Variants in ODR4 observed in about 807,000 individuals in gnomAD.
ODR4 encodes the protein protein odr-4 homolog.
Under a neutral mutation model 60.2 loss-of-function variants are expected in ODR4, and 47 were observed. That is an observed-to-expected ratio of 0.78 (90% CI 0.62 to 1.00). ODR4 has a LOEUF of 1.00. ODR4 is among the 50% of genes least tolerant of loss of function. The pLI, the probability that ODR4 is intolerant of heterozygous loss-of-function variation, is 0.00. For missense variants in ODR4, 488 were observed against 530.8 expected (o/e 0.92, Z 0.79); for synonymous variants, 178 against 175.5 (o/e 1.01, Z -0.11).
At position 186,383,186 on chromosome 1, in the gene ODR4, AGTTTTATTTC is replaced by A. The variant is rs1334765145; in HGVS notation, c.234+31_234+40del. 6.5e-6 allele frequency: 10 copies of A among 1,535,376 alleles called. No homozygotes were observed. In the Admixed American group the frequency reaches 1.1e-4, roughly 16 times the overall value. On this transcript the variant is annotated intron_variant, in intron 3 of 13. Coordinates refer to ENST00000287859, the MANE Select transcript of ODR4 (RefSeq NM_017847.6). ...TCTTATTTTTTTGTTTATATGTTTAAGTTTTATTTCAAAAAAGAGCTAGAATCAAGAAGAT... is the reference window on the plus strand; with the variant it reads ...TCTTATTTTTTTGTTTATATGTTTAAAAAAAAGAGCTAGAATCAAGAAGAT...
chr1:186,421,514 T>A (rs1661774923), downstream of ODR4: 1 of 152,114 alleles, frequency 6.6e-6, no homozygotes, highest in Non-Finnish European at 1.5e-5. Context: ...ACCTTAAAAT[T>A]GACTATGTTA....
At chr1:186,405,408 G>A (rs1384215267) in intron 11 of ODR4, among the ~76,000 whole-genome samples, 2 of 152,154 alleles carry the variant, frequency 1.3e-5, no homozygotes, top group African/African-American at 4.8e-5. Context: ...AATGTACAGT[G>A]CCTATGAGGC....
At chr1:186,428,174 T>C in the ODR4 span, among the ~76,000 whole-genome samples, 1 of 152,202 alleles carries the variant, frequency 6.6e-6, no homozygotes, top group Non-Finnish European at 1.5e-5. Context: ...TGAAAGTAGA[T>C]GGGATCTTCT....
At chr1:186,428,096 C>T in the ODR4 span, among the ~76,000 whole-genome samples, 5 of 152,114 alleles carry the variant, frequency 3.3e-5, no homozygotes, top group Non-Finnish European at 5.9e-5. Context: ...GTGCATTGGC[C>T]CCTAAAACAA....
At position 186,379,749 on chromosome 1, in the gene ODR4, TTTC is replaced by T. The variant is rs1040917355; in HGVS notation, c.-19-12_-19-10del. The T allele has an allele frequency of 4.5e-6, 6 of 1,330,852 alleles. No individual in the cohort carries two copies. The Admixed American group carries it at 6.5e-5, about 14-fold the overall frequency. 82.4% of individuals were successfully genotyped at this position (1,330,852 alleles called of 1,614,324 possible). A position where few individuals can be genotyped will look rare whatever the true frequency, so the allele number is the denominator to read the frequency against. On this transcript the variant is annotated splice_polypyrimidine_tract_variant and intron_variant, in intron 1 of 13. Transcript: ENST00000287859. Reference sequence around the variant, plus strand: ...GATATTTTACCTAAATGCTGTATCTTTTCTTCTTGTGATATAGGAGATTTTAGT... The same window carrying T: ...GATATTTTACCTAAATGCTGTATCTTTTCTTGTGATATAGGAGATTTTAGT...
chr1:186,390,806 A>T lies in ODR4; in HGVS notation c.570A>T (p.Pro190=), dbSNP rs1660440679. 2 of 1,613,064 alleles carry T rather than the reference A, an allele frequency of 1.2e-6. No individual in the cohort carries two copies. The highest frequency in any genetic ancestry group is 4.5e-5 in the East Asian group (2 of 44,794). The change falls in exon 7 of 14, where the codon CCA becomes CCT. Residue 190 remains proline (P), a synonymous_variant. Coordinates refer to ENST00000287859, the MANE Select transcript of ODR4 (RefSeq NM_017847.6). ...ECTVHINIHI[P]LSATSVSYTL... is the part of the protein sequence containing the mutation. ...CAGTTCACATTAATATTCACATCCC[A>T]CTTTCTGCTACTTCTGTCAGCTATA... is the stretch of plus-strand genomic sequence containing the variant.
At chr1:186,404,520 T>C (rs917664663) in intron 11 of ODR4, among the ~76,000 whole-genome samples, 5 of 152,216 alleles carry the variant, frequency 3.3e-5, no homozygotes, top group Non-Finnish European at 7.3e-5. Flanking sequence ...GAGTTTTTAC[T>C]TAATCTGTTT....
intron 5 of ODR4, among the ~76,000 whole-genome samples, chr1:186,389,370 C>T (rs1052150444): frequency 5.3e-5 from 8 of 151,844 alleles, no homozygotes; most frequent in South Asian, 2.1e-4. Context: ...TTTCAAGCAC[C>T]GCAAGTACTA....
chr1:186,419,194 A>G lies in ODR4; in HGVS notation c.*118A>G. ...ACTAGCAGCCAGATCTGCTGCCATG[A>G]TGCCTATTTGGTGTGTTTCTGATTA... On this transcript the variant is annotated 3_prime_UTR_variant, in exon 14 of 14. Coordinates refer to ENST00000287859, the MANE Select transcript of ODR4 (RefSeq NM_017847.6). The G allele has an allele frequency of 2.3e-6, 2 of 872,872 alleles. No individual in the cohort carries two copies. Among genetic ancestry groups the G allele is most frequent in the South Asian group, 1.5e-5 (1 of 66,930 alleles). The allele number at this position is 872,872 out of a possible 1,614,324, so 54.1% of individuals were successfully genotyped here.
At position 186,384,991 on chromosome 1, in the gene ODR4, G is replaced by GTAT. The variant is rs1660199122; in HGVS notation, c.235-994_235-992dup. ...TAGATGATAGAAAAAAATCCATGTG[G>GTAT]TATTAAGAACTAGCCACAATCATGT... On this transcript the variant is annotated intron_variant, in intron 3 of 13. Transcript: ENST00000287859. Among the ~76,000 whole-genome samples the GTAT allele has an allele frequency of 8.6e-5, 13 of 151,890 alleles. No individual in the cohort carries two copies. The South Asian group carries it at 2.7e-3, about 32-fold the overall frequency.
chr1:186,384,572 GACACACACACACACACAC>G (rs368870659), intron 3 of ODR4, among the ~76,000 whole-genome samples: 1 of 129,548 alleles, frequency 7.7e-6, no homozygotes, highest in African/African-American at 2.7e-5. Flanking sequence ...AATTGTATAT[GACACACACACACACACAC>G]ACACACACAC....
chr1:186,409,817 T>A (rs1242807091), intron 12 of ODR4, among the ~76,000 whole-genome samples: 1 of 152,176 alleles, frequency 6.6e-6, no homozygotes, highest in East Asian at 1.9e-4. Flanking sequence ...GTGCTGGGAT[T>A]ACAGGTGTTA....
chr1:186,407,710 A>G (rs536951670), intron 12 of ODR4, among the ~76,000 whole-genome samples: 1 of 152,154 alleles, frequency 6.6e-6, no homozygotes, highest in Non-Finnish European at 1.5e-5. Context: ...GAGAGCAACT[A>G]TTATGTTCTA....
chr1:186,390,593 A>G (rs555970257), intron 6 of ODR4, 118 bp from the exon 7 acceptor site: 10 of 1,002,850 alleles, frequency 1.0e-5, no homozygotes, highest in African/African-American at 1.6e-5. Flanking sequence ...GTTTAGCCAT[A>G]TATGTTAGAT....
At chr1:186,384,485 A>G (rs992384581) in intron 3 of ODR4, among the ~76,000 whole-genome samples, 28 of 152,086 alleles carry the variant, frequency 1.8e-4, no homozygotes, top group African/African-American at 6.3e-4. Flanking sequence ...TAAAGAAAAT[A>G]TTAAGTAATG....
At chr1:186,385,788 G>GA (rs1488829840) in intron 3 of ODR4, among the ~76,000 whole-genome samples, 200 bp from the exon 4 acceptor site, 2 of 152,010 alleles carry the variant, frequency 1.3e-5, no homozygotes, top group Admixed American at 6.6e-5. Flanking sequence ...GGACGCCATT[G>GA]AAAAAATATT....
chr1:186,400,833 C>G (rs933971592), intron 11 of ODR4: 2 of 402,062 alleles, frequency 5.0e-6, no homozygotes, highest in Non-Finnish European at 8.9e-6. Flanking sequence ...GAATTTGAAT[C>G]TTACATGCAA....
intron 13 of ODR4, among the ~76,000 whole-genome samples, chr1:186,417,961 A>G (rs1345701083): frequency 6.6e-6 from 1 of 152,196 alleles, no homozygotes; most frequent in Non-Finnish European, 1.5e-5. Flanking sequence ...GTGTTCTTAG[A>G]ATTACTATTG....
rs1660573332 is a variant in ODR4 at position 186,394,006 on chromosome 1, A to G, written c.771A>G (p.Leu257=). ...GTCATTCTTTTGATGTCAGAGTGCT[A>G]ACGCAGTTGGTAAATATTTTAAAAT... ...ATSHSFDVRV[L]TQLLLNSDHR... is the part of the protein sequence containing the mutation. Residue 257 remains leucine, a synonymous_variant, in exon 9 of 14, where the codon CTA becomes CTG. Coordinates refer to ENST00000287859, the MANE Select transcript of ODR4 (RefSeq NM_017847.6). 6 of 1,461,234 alleles carry G rather than the reference A, an allele frequency of 4.1e-6. No individual in the cohort carries two copies. Among genetic ancestry groups the G allele is most frequent in the Middle Eastern group, 1.7e-4 (1 of 5,818 alleles). 90.5% of individuals were successfully genotyped at this position (1,461,234 alleles called of 1,614,324 possible).
Sources: allele counts gnomAD v4.1 joint callset (sites outside exome capture counted in the v4.1 genomes callset), GRCh38; gene constraint gnomAD v4.1.1; transcripts MANE v1.5; gene names NCBI Gene and HGNC (gene_info 2026-07-23, HGNC 2026-07-21).